The following BRAF variants were observed in gnomAD, a reference collection of about 807,000 sequenced individuals.
The protein encoded by BRAF is serine/threonine-protein kinase B-raf.
A neutral mutation model predicts 104.6 loss-of-function variants in BRAF; 16 were observed. The observed-to-expected ratio is 0.15, with a 90% confidence interval of 0.10 to 0.23. BRAF has a LOEUF of 0.23. Among genes scored for constraint, BRAF ranks in the 10% least tolerant of loss-of-function variants. The pLI is 1.00. For synonymous variants in BRAF, 310 were observed against 341.6 expected (o/e 0.91, Z 1.02); for missense variants, 541 against 937.3 (o/e 0.58, Z 5.52).
At chr7:140,759,336 T>C (rs1025639623) in intron 14 of BRAF, among the ~76,000 whole-genome samples, 1 of 152,266 alleles carries the variant, frequency 6.6e-6, no homozygotes, top group African/African-American at 2.4e-5. Context: ...GTATGAGAGT[T>C]CCAGTTGTTC....
In BRAF at chr7:140,834,819, C is replaced by T. The variant is rs906516903; in HGVS notation, c.294G>A (p.Gln98=). ...TTCCGTTCCCCAGAGATTCCAATAA[C>T]TGTTGTTCTCTTTGTTGGAGTGCAT... The part of the protein sequence containing the change: ...KLDALQQREQ[Q]LLESLGNGTD... Residue 98 remains glutamine (Q), a synonymous_variant, in exon 3 of 20, where the codon CAG becomes CAA. Transcript: ENST00000644969. 22 of 1,614,066 alleles carry T rather than the reference C, an allele frequency of 1.4e-5. No homozygotes were observed. Among genetic ancestry groups the T allele is most frequent in the Non-Finnish European group, 1.9e-5 (22 of 1,179,932 alleles).
intron 1 of BRAF, among the ~76,000 whole-genome samples, chr7:140,885,976 A>C (rs956081690): frequency 1.3e-5 from 2 of 152,200 alleles, no homozygotes; most frequent in Non-Finnish European, 2.9e-5. Flanking sequence ...GGTGAGTAAG[A>C]GTTTAGGAGA....
intron 5 of BRAF, among the ~76,000 whole-genome samples, chr7:140,807,638 CAG>C (rs1162891126): frequency 6.6e-6 from 1 of 152,076 alleles, no homozygotes; most frequent in Non-Finnish European, 1.5e-5. Context: ...GTTTGGAAGA[CAG>C]AACAATAATC....
In BRAF at chr7:140,721,357, T is replaced by C; in HGVS notation, c.*5137A>G. On this transcript the variant is annotated 3_prime_UTR_variant, in exon 20 of 20. Coordinates refer to ENST00000644969, the MANE Select transcript of BRAF (RefSeq NM_001374258.1). Reference sequence around the variant, plus strand: ...ATTTTAGGAGTTGGGTTTCTGTCCTTTTCCACATTAAAAATACCTGATAGG... The same window carrying C: ...ATTTTAGGAGTTGGGTTTCTGTCCTCTTCCACATTAAAAATACCTGATAGG... 3 of 1,216,716 alleles carry C rather than the reference T, an allele frequency of 2.5e-6. No homozygotes were observed. Among genetic ancestry groups the C allele is most frequent in the African/African-American group, 1.6e-5 (1 of 64,216 alleles). 75.4% of individuals were successfully genotyped at this position (1,216,716 alleles called of 1,614,324 possible).
chr7:140,818,549 G>A (rs1357456751), intron 3 of BRAF, among the ~76,000 whole-genome samples: 3 of 152,070 alleles, frequency 2.0e-5, no homozygotes, highest in Non-Finnish European at 4.4e-5. Flanking sequence ...CTGACCTCAG[G>A]TGATCCGCCC....
At chr7:140,922,476 C>T (rs760283487) in intron 1 of BRAF, among the ~76,000 whole-genome samples, 9 of 152,134 alleles carry the variant, frequency 5.9e-5, no homozygotes, top group Non-Finnish European at 8.8e-5. Flanking sequence ...GAATTGCAAA[C>T]GGTTCTAATA....
At chr7:140,714,053 A>G in the BRAF span, among the ~76,000 whole-genome samples, 1 of 152,328 alleles carries the variant, frequency 6.6e-6, no homozygotes, top group South Asian at 2.1e-4. Context: ...TACTCGGGTC[A>G]GGGACCCACT....
intron 14 of BRAF, among the ~76,000 whole-genome samples, chr7:140,775,229 C>T (rs1800221438): frequency 2.0e-5 from 3 of 152,152 alleles, no homozygotes; most frequent in Admixed American, 2.0e-4. Context: ...AAAGAAGGAA[C>T]ACGCTTGGCC....
chr7:140,739,991 G>A, intron 17 of BRAF, 45 bp from the exon 17 acceptor site: 1 of 1,586,466 alleles, frequency 6.3e-7, no homozygotes, highest in Non-Finnish European at 8.6e-7. Context: ...TTGTAGATAA[G>A]TTGAAAAATA....
chr7:140,818,269 C>A (rs771109240), intron 3 of BRAF, among the ~76,000 whole-genome samples: 13 of 151,312 alleles, frequency 8.6e-5, no homozygotes, highest in Non-Finnish European at 1.6e-4. Flanking sequence ...GACTAAACAG[C>A]TGTTTAATAT....
chr7:140,830,594 G>A (rs1487707741), intron 3 of BRAF, among the ~76,000 whole-genome samples: 1 of 152,156 alleles, frequency 6.6e-6, no homozygotes, highest in Admixed American at 6.5e-5. Flanking sequence ...CTGAATGGAA[G>A]GTGGTCAAAA....
intron 2 of BRAF, among the ~76,000 whole-genome samples, chr7:140,840,748 G>GC (rs1807874364): frequency 6.6e-6 from 1 of 151,094 alleles, no homozygotes; most frequent in Non-Finnish European, 1.5e-5. Context: ...TCGAGATGGT[G>GC]CCCCTGCATT....
intron 3 of BRAF, among the ~76,000 whole-genome samples, chr7:140,821,719 G>A (rs2109742): frequency 0.29 from 43,998 of 151,912 alleles, 9,971 homozygotes; most frequent in African/African-American, 0.64. Context: ...CGACCCAGCA[G>A]TCTCATTGCT....
At chr7:140,730,710 TGGG>T (rs1199624229) in intron 19 of BRAF, 1 of 144,762 alleles carries the variant, frequency 6.9e-6, no homozygotes, top group Admixed American at 7.0e-5. Context: ...AGAGAACAAC[TGGG>T]AAGACTGAAA....
At chr7:140,920,873 A>G (rs370364048) in intron 1 of BRAF, among the ~76,000 whole-genome samples, 4 of 152,234 alleles carry the variant, frequency 2.6e-5, no homozygotes, top group African/African-American at 7.2e-5. Flanking sequence ...ATATATCTGT[A>G]TAAGTATTAA....
intron 14 of BRAF, among the ~76,000 whole-genome samples, chr7:140,759,842 G>C (rs1436599452): frequency 6.6e-6 from 1 of 152,152 alleles, no homozygotes; most frequent in Admixed American, 6.5e-5. Flanking sequence ...GAATCATTTG[G>C]GGATCTTGTT....
chr7:140,748,298 G>A (rs1295571493), intron 17 of BRAF, among the ~76,000 whole-genome samples: 2 of 152,056 alleles, frequency 1.3e-5, no homozygotes, highest in Non-Finnish European at 2.9e-5. Context: ...ATTAGGTTGG[G>A]AAGTTATGAA....
chr7:140,826,251 T>C (rs774842297), intron 3 of BRAF, among the ~76,000 whole-genome samples: 12 of 152,238 alleles, frequency 7.9e-5, no homozygotes, highest in African/African-American at 2.2e-4. Context: ...AAGTGTTATC[T>C]TGCTACATCC....
At chr7:140,772,702 C>T (rs1184272654) in intron 14 of BRAF, among the ~76,000 whole-genome samples, 2 of 152,066 alleles carry the variant, frequency 1.3e-5, no homozygotes, top group Non-Finnish European at 2.9e-5. Flanking sequence ...ATATCCACTT[C>T]AAGACTCACT....
Sources: allele counts gnomAD v4.1 joint callset (sites outside exome capture counted in the v4.1 genomes callset), GRCh38; gene constraint gnomAD v4.1.1; transcripts MANE v1.5; gene names NCBI Gene and HGNC (gene_info 2026-07-23, HGNC 2026-07-21).